The following AHRR variants were observed in gnomAD, a reference collection of about 807,000 sequenced individuals.
The protein encoded by AHRR is aryl hydrocarbon receptor repressor, also known as ahR repressor.
Under a neutral mutation model 44.0 loss-of-function variants are expected in AHRR, and 28 were observed. The observed-to-expected ratio is 0.64, with a 90% CI of 0.47 to 0.87. AHRR has a LOEUF of 0.87. AHRR is among the 40% of genes least tolerant of loss of function. The probability of loss-of-function intolerance (pLI) is 0.00; values close to 1 mark genes in which losing one functional copy is unlikely to be tolerated. For synonymous variants in AHRR, 434 were observed against 407.0 expected, an observed-to-expected ratio of 1.07 and a Z score of -0.80; for missense variants, 990 against 953.9, an observed-to-expected ratio of 1.04 and a Z score of -0.50.
rs1340367006 is a variant in AHRR at position 397,661 on chromosome 5, CGTAGCCCCTGACCATCCAT to C, written c.352-15664_352-15646del. On this transcript the variant is annotated intron_variant, in intron 4 of 10. Coordinates refer to ENST00000684583, the MANE Select transcript of AHRR (RefSeq NM_001377236.1). ...CATCCACATAGCCCCTGACCATCCA[CGTAGCCCCTGACCATCCAT>C]GTAGCCCCTGACCATCCACGTAGCC... Among the ~76,000 whole-genome samples the C allele has an allele frequency of 8.1e-4, 94 of 115,624 alleles. 1 individual carries two copies. The highest frequency in any genetic ancestry group is 8.9e-3 in the Middle Eastern group (1 of 112). 75.9% of individuals were successfully genotyped at this position (115,624 alleles called of 152,430 possible). A position where few individuals can be genotyped will look rare whatever the true frequency, so the allele number is the denominator to read the frequency against.
At chr5:376,552 A>ACGCGGGGACACACAG in intron 3 of AHRR, 58 bp from the exon 4 acceptor site, 1 of 1,409,246 alleles carries the variant, frequency 7.1e-7, no homozygotes, top group Non-Finnish European at 9.6e-7. Context: ...ATGTGAATGA[A>ACGCGGGGACACACAG]GAAGAGTGGC....
At chr5:336,065 A>G (rs1451609061) in intron 1 of AHRR, among the ~76,000 whole-genome samples, 1 of 152,190 alleles carries the variant, frequency 6.6e-6, no homozygotes, top group Non-Finnish European at 1.5e-5. Flanking sequence ...TAGGATGGAG[A>G]ATGGTGTCTT....
At chr5:421,058 A>C in intron 5 of AHRR, 1 of 526,922 alleles carries the variant, frequency 1.9e-6, no homozygotes, top group South Asian at 2.2e-5. Flanking sequence ...TATCCACCGC[A>C]GCGACTAAAA....
chr5:435,723 G>T lies in AHRR; in HGVS notation c.*889G>T, dbSNP rs886166723. Reference sequence around the variant, plus strand: ...GTAGAGAGAAGACACAGGAAACTGCGCTGCCTGTGGGGGTTTCTCTCTGGC... The same window carrying T: ...GTAGAGAGAAGACACAGGAAACTGCTCTGCCTGTGGGGGTTTCTCTCTGGC... On this transcript the variant is annotated 3_prime_UTR_variant, in exon 11 of 11. Coordinates refer to ENST00000684583, the MANE Select transcript of AHRR (RefSeq NM_001377236.1). 1 of 152,252 alleles carries T rather than the reference G, an allele frequency of 6.6e-6. No homozygotes were observed. The highest frequency in any genetic ancestry group is 6.6e-5 in the Admixed American group (1 of 15,236). The allele number at this position is 152,252 out of a possible 1,614,324, so 9.4% of individuals were successfully genotyped here.
chr5:407,273 T>C (rs1406543125), intron 4 of AHRR, among the ~76,000 whole-genome samples: 3 of 152,212 alleles, frequency 2.0e-5, no homozygotes, highest in Admixed American at 6.5e-5. Flanking sequence ...GCAGGCATCT[T>C]TAGGATGTTG....
intron 3 of AHRR, among the ~76,000 whole-genome samples, chr5:361,004 C>T (rs1743159571): frequency 1.3e-5 from 2 of 152,192 alleles, no homozygotes; most frequent in African/African-American, 4.8e-5. Flanking sequence ...GTAATACCAG[C>T]ACTTTGGGAG....
intron 5 of AHRR, among the ~76,000 whole-genome samples, chr5:416,043 C>T (rs530933998): frequency 3.6e-4 from 55 of 152,312 alleles, no homozygotes; most frequent in African/African-American, 1.3e-3. Context: ...TTTTCTGCAC[C>T]GTGGCTGTGT....
In AHRR at chr5:404,348, C is replaced by A. The variant is rs200622813; in HGVS notation, c.352-8996C>A. The A allele has an allele frequency of 6.7e-6, 3 of 449,098 alleles. No individual in the cohort carries two copies. Among genetic ancestry groups the A allele is most frequent in the African/African-American group, 2.2e-5 (1 of 46,260 alleles). 27.8% of individuals were successfully genotyped at this position (449,098 alleles called of 1,614,324 possible). A position where few individuals can be genotyped will look rare whatever the true frequency, so the allele number is the denominator to read the frequency against. On this transcript the variant is annotated intron_variant, in intron 4 of 10. Transcript: ENST00000684583. The surrounding 1 kb of genome is among the most constrained non-coding windows in gnomAD (Gnocchi z 4.1). ...AAAGCTGTTTCACTCTTTTTTTTTTCTTTTTTCCTTCATTCTGGGTGTCTT... is the reference window on the plus strand; with the variant it reads ...AAAGCTGTTTCACTCTTTTTTTTTTATTTTTTCCTTCATTCTGGGTGTCTT...
intron 3 of AHRR, among the ~76,000 whole-genome samples, chr5:372,934 AC>A (rs1276548750): frequency 6.6e-6 from 1 of 151,998 alleles, no homozygotes; most frequent in African/African-American, 2.4e-5. Flanking sequence ...CCTTAGCAGG[AC>A]CCCATGGGAA....
rs1734225942 is a variant in AHRR at position 387,703 on chromosome 5, C to T, written c.351+10987C>T. 1.3e-5 allele frequency among the ~76,000 whole-genome samples: 2 copies of T among 152,208 alleles called. No homozygotes were observed. Among genetic ancestry groups the T allele is most frequent in the African/African-American group, 2.4e-5 (1 of 41,456 alleles). On this transcript the variant is annotated intron_variant, in intron 4 of 10. Coordinates refer to ENST00000684583, the MANE Select transcript of AHRR (RefSeq NM_001377236.1). This position sits in a 1 kb window ranked among gnomAD's most constrained non-coding sequence, Gnocchi z 5.1. ...AACACATAGTGGTGATGGTGGTGGA[C>T]GCTCGTGTTTTCTGAGTGTGATCGT...
intron 3 of AHRR, among the ~76,000 whole-genome samples, chr5:360,368 G>A (rs527337503): frequency 3.7e-4 from 57 of 152,332 alleles, no homozygotes; most frequent in African/African-American, 1.3e-3. Flanking sequence ...TTAAGCCCCC[G>A]GACGGGGGTG....
chr5:384,898 C>A (rs1560901313), intron 4 of AHRR, among the ~76,000 whole-genome samples: 1 of 152,124 alleles, frequency 6.6e-6, no homozygotes, highest in Admixed American at 6.5e-5. Context: ...GTTATCCCAG[C>A]ACTTTGGGAG....
chr5:405,453 G>A lies in AHRR; in HGVS notation c.352-7891G>A, dbSNP rs1735215532. Among the ~76,000 whole-genome samples, 2 of 152,182 alleles carry A rather than the reference G, an allele frequency of 1.3e-5. No homozygotes were observed. The highest frequency in any genetic ancestry group is 2.9e-5 in the Non-Finnish European group (2 of 68,028). On this transcript the variant is annotated intron_variant, in intron 4 of 10. Coordinates refer to ENST00000684583, the MANE Select transcript of AHRR (RefSeq NM_001377236.1). The surrounding 1 kb of genome is among the most constrained non-coding windows in gnomAD (Gnocchi z 4.5). ...CGTGGAGCAGCCTATGGTGTTGCCCGCTGTTTTGTTGTGACAGCTGGGCAG... is the reference window on the plus strand; with the variant it reads ...CGTGGAGCAGCCTATGGTGTTGCCCACTGTTTTGTTGTGACAGCTGGGCAG...
In AHRR at chr5:388,698, A is replaced by G. The variant is rs1195641983; in HGVS notation, c.351+11982A>G. 6.6e-6 allele frequency among the ~76,000 whole-genome samples: 1 copy of G among 151,852 alleles called. No individual in the cohort carries two copies. Among genetic ancestry groups the G allele is most frequent in the South Asian group, 2.1e-4 (1 of 4,814 alleles). ...TCAGAGCCAGGGGCACCGTCCTCCC[A>G]TTGGCCAGGACGAGGACTAAGCTGT... On this transcript the variant is annotated intron_variant, in intron 4 of 10. Coordinates refer to ENST00000684583, the MANE Select transcript of AHRR (RefSeq NM_001377236.1). The surrounding 1 kb of genome is among the most constrained non-coding windows in gnomAD (Gnocchi z 5.2).
chr5:432,408 ACATGTC>A, intron 8 of AHRR, 49 bp from the exon 9 acceptor site: 1 of 1,545,350 alleles, frequency 6.5e-7, no homozygotes, highest in South Asian at 1.1e-5. Context: ...TGTTTCATCC[ACATGTC>A]ATCTTGTTCA....
intron 2 of AHRR, among the ~76,000 whole-genome samples, chr5:347,501 TA>T (rs750634997): frequency 2.2e-4 from 34 of 152,314 alleles, no homozygotes; most frequent in Middle Eastern, 3.4e-3. Flanking sequence ...TATTTATGTT[TA>T]AAACTTTTAA....
chr5:397,086 G>A (rs1396467104), intron 4 of AHRR, among the ~76,000 whole-genome samples: 7 of 80,110 alleles, frequency 8.7e-5, no homozygotes, highest in African/African-American at 3.6e-4. Context: ...GACCATCCAC[G>A]TAGCCCCTGA....
intron 3 of AHRR, among the ~76,000 whole-genome samples, chr5:373,361 C>T (rs1042033449): frequency 1.9e-4 from 29 of 152,346 alleles, no homozygotes; most frequent in African/African-American, 7.0e-4. Flanking sequence ...GCAGACCCTG[C>T]GGGACCAGCA....
At chr5:420,114 T>C (rs1397638252) in intron 5 of AHRR, among the ~76,000 whole-genome samples, 1 of 152,206 alleles carries the variant, frequency 6.6e-6, no homozygotes. Context: ...GCTGCCGCCA[T>C]AGAGCGGCAG....
Sources: gnomAD v4.1 joint callset for allele counts (sites outside exome capture counted in the v4.1 genomes callset) on GRCh38, gnomAD v4.1.1 for gene constraint, Gnocchi (gnomAD v3.1) non-coding constraint, MANE v1.5 for transcripts, NCBI Gene and HGNC (gene_info 2026-07-23, HGNC 2026-07-21) for gene names.